The following COG5 variants were observed in gnomAD, a reference collection of about 807,000 sequenced individuals.
The protein encoded by COG5 is conserved oligomeric Golgi complex subunit 5.
A neutral mutation model predicts 110.4 loss-of-function variants in COG5; 86 were observed. That is an observed-to-expected ratio of 0.78 (90% CI 0.65 to 0.93). The LOEUF (loss-of-function observed/expected upper bound fraction) is 0.93, where lower values mean the gene tolerates loss of function less well. Ranked by LOEUF, COG5 falls within the 40% of genes least tolerant of loss-of-function variation. The pLI is 0.00. For synonymous variants in COG5, 360 were observed against 334.6 expected (o/e 1.08, Z -0.83); for missense variants, 1,077 against 987.0 (o/e 1.09, Z -1.22).
At chr7:107,448,404 T>C (rs1795138054) in intron 6 of COG5, among the ~76,000 whole-genome samples, 1 of 152,176 alleles carries the variant, frequency 6.6e-6, no homozygotes, top group South Asian at 2.1e-4. Context: ...TCAACTCTCA[T>C]CTACAATGTT....
At chr7:107,237,157 C>T (rs1801258522) in intron 17 of COG5, among the ~76,000 whole-genome samples, 1 of 152,144 alleles carries the variant, frequency 6.6e-6, no homozygotes, top group South Asian at 2.1e-4. Context: ...TCTCTCTGCT[C>T]TTGTGCTATT....
intron 10 of COG5, among the ~76,000 whole-genome samples, chr7:107,358,984 T>C (rs1195453392): frequency 3.3e-5 from 5 of 152,198 alleles, no homozygotes; most frequent in African/African-American, 4.8e-5. Context: ...TACAACTATA[T>C]GCTGGCGATG....
chr7:107,222,206 T>A (rs375767964), intron 19 of COG5, among the ~76,000 whole-genome samples: 1 of 142,566 alleles, frequency 7.0e-6, no homozygotes, highest in Admixed American at 7.0e-5. Flanking sequence ...TGTCCCCCCC[T>A]TTTTTTTTTT....
At chr7:107,341,951 A>C (rs965633364) in intron 10 of COG5, among the ~76,000 whole-genome samples, 3 of 152,208 alleles carry the variant, frequency 2.0e-5, no homozygotes, top group African/African-American at 7.2e-5. Context: ...AGGATATACC[A>C]TTCTGGACAT....
At chr7:107,311,093 T>C (rs1390268579) in intron 11 of COG5, among the ~76,000 whole-genome samples, 1 of 152,200 alleles carries the variant, frequency 6.6e-6, no homozygotes, top group African/African-American at 2.4e-5. Flanking sequence ...AATGTCTGTT[T>C]AAATTTTTGC....
At chr7:107,404,411 T>C (rs1049239548) in intron 7 of COG5, among the ~76,000 whole-genome samples, 1 of 152,226 alleles carries the variant, frequency 6.6e-6, no homozygotes, top group African/African-American at 2.4e-5. Context: ...GTAATTCTTT[T>C]AGTCTATATT....
chr7:107,275,458 T>C (rs1161886717), intron 14 of COG5, among the ~76,000 whole-genome samples: 1 of 152,174 alleles, frequency 6.6e-6, no homozygotes, highest in Admixed American at 6.5e-5. Flanking sequence ...TTGATCTTTT[T>C]TTTTTTGCAT....
intron 10 of COG5, among the ~76,000 whole-genome samples, chr7:107,334,793 AC>A (rs1562973546): frequency 1.3e-5 from 2 of 152,106 alleles, no homozygotes; most frequent in Non-Finnish European, 2.9e-5. Flanking sequence ...AAAAAAAAAA[AC>A]AGTAATATGC....
rs114321437 is a variant in COG5, at chr7:107,560,068, C to G, written c.95-1953G>C. On this transcript the variant is annotated intron_variant, in intron 1 of 21. Transcript: ENST00000297135. The stretch of plus-strand genomic sequence containing the variant: ...AGAGGATGATGGAAAAAGGATTAGT[C>G]ACACAGCAATGTGCTGAAGTTGCCT... Among the ~76,000 whole-genome samples, 692 of 152,344 alleles carry G rather than the reference C, an allele frequency of 4.5e-3. 6 individuals are homozygous for G. Among genetic ancestry groups the G allele is most frequent in the African/African-American group, 0.016 (669 of 41,584 alleles).
intron 19 of COG5, among the ~76,000 whole-genome samples, chr7:107,216,627 TAAAC>T (rs1013545983): frequency 1.3e-5 from 2 of 152,088 alleles, no homozygotes; most frequent in Non-Finnish European, 2.9e-5. Flanking sequence ...ATGTGGAAAT[TAAAC>T]AACATGCCCC....
chr7:107,284,450 C>T (rs1805459377), intron 12 of COG5, among the ~76,000 whole-genome samples: 1 of 152,166 alleles, frequency 6.6e-6, no homozygotes, highest in African/African-American at 2.4e-5. Context: ...TGGCCCTTTC[C>T]ATCCATAGCT....
intron 6 of COG5, among the ~76,000 whole-genome samples, chr7:107,525,811 T>C (rs968183747): frequency 6.6e-6 from 1 of 152,168 alleles, no homozygotes; most frequent in Admixed American, 6.5e-5. Flanking sequence ...CTCAAACTCC[T>C]GGCCTCAAGC....
At chr7:107,532,124 T>A (rs1801257526) in intron 5 of COG5, among the ~76,000 whole-genome samples, 1 of 152,176 alleles carries the variant, frequency 6.6e-6, no homozygotes, top group Non-Finnish European at 1.5e-5. Context: ...TGGCACAACC[T>A]TGGCTTACTG....
chr7:107,356,601 A>AT (rs941304808), intron 10 of COG5, among the ~76,000 whole-genome samples: 3 of 152,172 alleles, frequency 2.0e-5, no homozygotes, highest in Non-Finnish European at 4.4e-5. Context: ...CAGCTTTTGA[A>AT]TAAAAAAAAG....
intron 21 of COG5, 104 bp from the exon 22 acceptor site, chr7:107,203,734 C>G: frequency 1.3e-6 from 1 of 761,146 alleles, no homozygotes; most frequent in South Asian, 1.5e-5. Flanking sequence ...ATTTCTGGAA[C>G]TGTTAATGCT....
intron 6 of COG5, among the ~76,000 whole-genome samples, chr7:107,507,168 T>TA (rs1563072326): frequency 6.6e-6 from 1 of 152,226 alleles, no homozygotes; most frequent in African/African-American, 2.4e-5. Flanking sequence ...TCTGGGGACT[T>TA]ACAGTTTTTC....
chr7:107,351,373 C>G (rs1417264750), intron 10 of COG5, among the ~76,000 whole-genome samples: 8 of 152,134 alleles, frequency 5.3e-5, no homozygotes, highest in Non-Finnish European at 1.2e-4. Flanking sequence ...AAAACCCAGG[C>G]AATACCATTC....
intron 19 of COG5, 117 bp downstream of exon 19, chr7:107,230,498 G>A: frequency 1.3e-6 from 1 of 782,266 alleles, no homozygotes; most frequent in Non-Finnish European, 2.3e-6. Context: ...TCATGAAATT[G>A]CCATTGTTGT....
intron 10 of COG5, among the ~76,000 whole-genome samples, chr7:107,337,264 GAACT>G (rs1462361682): frequency 2.0e-5 from 3 of 152,120 alleles, no homozygotes; most frequent in African/African-American, 7.2e-5. Context: ...ACTAAAAAGA[GAACT>G]ATCATATACT....
Sources: gnomAD v4.1 joint callset for allele counts (sites outside exome capture counted in the v4.1 genomes callset) on GRCh38, gnomAD v4.1.1 for gene constraint, MANE v1.5 for transcripts, NCBI Gene and HGNC (gene_info 2026-07-23, HGNC 2026-07-21) for gene names.